The following PHLPP1 variants were observed in gnomAD, a reference collection of about 807,000 sequenced individuals.
PHLPP1 encodes PH domain leucine-rich repeat-containing protein phosphatase 1.
PHLPP1 carries 42 observed loss-of-function variants against 117.2 expected under a neutral mutation model. That is an observed-to-expected ratio of 0.36 (90% CI 0.28 to 0.46). The LOEUF (loss-of-function observed/expected upper bound fraction) is 0.46, where lower values mean the gene tolerates loss of function less well. PHLPP1 is among the 20% of genes least tolerant of loss of function. The probability of loss-of-function intolerance (pLI) is 1.00; values close to 1 mark genes in which losing one functional copy is unlikely to be tolerated. For missense variants in PHLPP1, 2,084 were observed against 2,241.9 expected (o/e 0.93, Z 1.42); for synonymous variants, 1,042 against 970.7 (o/e 1.07, Z -1.37).
At chr18:62,957,653 G>C (rs1957156623) in intron 12 of PHLPP1, among the ~76,000 whole-genome samples, 1 of 150,748 alleles carries the variant, frequency 6.6e-6, no homozygotes, top group South Asian at 2.1e-4. Flanking sequence ...ACAGGGTCTT[G>C]CTCTGTCGCC....
At chr18:62,801,095 C>G (rs1442155197) in intron 1 of PHLPP1, among the ~76,000 whole-genome samples, 2 of 135,354 alleles carry the variant, frequency 1.5e-5, no homozygotes, top group Non-Finnish European at 3.1e-5. Flanking sequence ...ATCTCCCAGG[C>G]TGGAGTGCAG....
At position 62,715,908 on chromosome 18, in the gene PHLPP1, A is replaced by G; in HGVS notation, c.225A>G (p.Pro75=). 1.1e-6 allele frequency: 1 copy of G among 930,920 alleles called. No homozygotes were observed. Among genetic ancestry groups the G allele is most frequent in the African/African-American group, 1.8e-5 (1 of 55,670 alleles). 57.7% of individuals were successfully genotyped at this position (930,920 alleles called of 1,614,324 possible). Residue 75 remains proline, a synonymous_variant, in exon 1 of 17, where the codon CCA becomes CCG. Transcript: ENST00000262719. The part of the protein sequence containing the change: ...GSGSGAREEA[P]GEAPPGPLPG... ...GCAGCGGGGCGCGGGAAGAGGCCCC[A>G]GGCGAGGCGCCGCCGGGGCCGCTGC...
chr18:62,830,845 A>G (rs1053046726), intron 2 of PHLPP1, among the ~76,000 whole-genome samples: 3 of 152,216 alleles, frequency 2.0e-5, no homozygotes, highest in Admixed American at 2.0e-4. Context: ...TATCTTAAGC[A>G]TACATTTTCT....
At chr18:62,761,782 T>A (rs902553215) in intron 1 of PHLPP1, among the ~76,000 whole-genome samples, 11 of 152,232 alleles carry the variant, frequency 7.2e-5, no homozygotes, top group South Asian at 2.1e-4. Flanking sequence ...TTTCTTTTTT[T>A]AAAAAAATAA....
At chr18:62,966,399 T>G (rs1910905389) in intron 14 of PHLPP1, among the ~76,000 whole-genome samples, 1 of 151,764 alleles carries the variant, frequency 6.6e-6, no homozygotes, top group African/African-American at 2.4e-5. Flanking sequence ...TTTTATTAAT[T>G]TATATATGTA....
At chr18:62,772,830 C>CAAA (rs59776161) in intron 1 of PHLPP1, among the ~76,000 whole-genome samples, 6 of 61,058 alleles carry the variant, frequency 9.8e-5, no homozygotes, top group Non-Finnish European at 1.9e-4. Flanking sequence ...GACTCTTTCT[C>CAAA]AAAAAAAAAA....
At chr18:62,930,784 C>G (rs1006644667) in intron 10 of PHLPP1, among the ~76,000 whole-genome samples, 1 of 152,174 alleles carries the variant, frequency 6.6e-6, no homozygotes, top group Non-Finnish European at 1.5e-5. Context: ...TGACTACCTG[C>G]TCAGTCATAA....
chr18:62,885,166 G>C (rs747490947), intron 4 of PHLPP1, among the ~76,000 whole-genome samples: 12 of 152,208 alleles, frequency 7.9e-5, no homozygotes, highest in Non-Finnish European at 1.6e-4. Flanking sequence ...GAAGGAGGAA[G>C]TATGTGAGGA....
At chr18:62,819,845 C>T (rs1444175198) in intron 1 of PHLPP1, among the ~76,000 whole-genome samples, 1 of 152,144 alleles carries the variant, frequency 6.6e-6, no homozygotes, top group African/African-American at 2.4e-5. Context: ...GGGGTTTCAC[C>T]ATGTTGGCCG....
At chr18:62,811,827 C>T (rs1914131703) in intron 1 of PHLPP1, among the ~76,000 whole-genome samples, 1 of 152,090 alleles carries the variant, frequency 6.6e-6, no homozygotes, top group African/African-American at 2.4e-5. Flanking sequence ...AAGATAGCTT[C>T]TTAAGGTCAG....
At chr18:62,893,714 G>A (rs1599106877) in intron 4 of PHLPP1, among the ~76,000 whole-genome samples, 1 of 152,288 alleles carries the variant, frequency 6.6e-6, no homozygotes, top group East Asian at 1.9e-4. Context: ...TTAGCATAAC[G>A]CAGTCACTAA....
chr18:62,878,924 C>T (rs1054938639), intron 4 of PHLPP1, among the ~76,000 whole-genome samples: 1 of 152,188 alleles, frequency 6.6e-6, no homozygotes, highest in African/African-American at 2.4e-5. Context: ...TTGACATGCT[C>T]TGTGATTAGA....
At chr18:62,933,905 A>C (rs766827448) in intron 10 of PHLPP1, among the ~76,000 whole-genome samples, 1 of 152,188 alleles carries the variant, frequency 6.6e-6, no homozygotes, top group Non-Finnish European at 1.5e-5. Flanking sequence ...AACCCCATTA[A>C]AAAGTGAGCA....
intron 3 of PHLPP1, among the ~76,000 whole-genome samples, chr18:62,843,286 C>G (rs1221341710): frequency 1.3e-5 from 2 of 152,110 alleles, no homozygotes; most frequent in African/African-American, 4.8e-5. Flanking sequence ...ACTGTCCCCA[C>G]TCCAGAGTAG....
At chr18:62,774,612 G>A (rs1912893942) in intron 1 of PHLPP1, among the ~76,000 whole-genome samples, 1 of 152,102 alleles carries the variant, frequency 6.6e-6, no homozygotes. Flanking sequence ...CAGTAAATTT[G>A]AAAGCTGTCT....
At chr18:62,955,545 A>T (rs1910586478) in intron 12 of PHLPP1, among the ~76,000 whole-genome samples, 1 of 151,980 alleles carries the variant, frequency 6.6e-6, no homozygotes, top group Non-Finnish European at 1.5e-5. Context: ...TGAATCAGAG[A>T]CTCTGTCACA....
chr18:62,741,771 C>A (rs1422864777), intron 1 of PHLPP1, among the ~76,000 whole-genome samples: 1 of 150,824 alleles, frequency 6.6e-6, no homozygotes, highest in Non-Finnish European at 1.5e-5. Flanking sequence ...GCTTGGGTTA[C>A]AGGGTACGTG....
rs562564069 is a variant in PHLPP1 at position 62,730,444 on chromosome 18, T to C, written c.1576+13185T>C. Among the ~76,000 whole-genome samples, 4 of 152,272 alleles carry C rather than the reference T, an allele frequency of 2.6e-5. No individual in the cohort carries two copies. In the East Asian group the frequency reaches 7.7e-4, roughly 29 times the overall value. Reference sequence around the variant, plus strand: ...TCTCTGGTCTTTGTGCTTCTTTACATGATGTGAGACCTATAGTAAACCCCT... The same window carrying C: ...TCTCTGGTCTTTGTGCTTCTTTACACGATGTGAGACCTATAGTAAACCCCT... On this transcript the variant is annotated intron_variant, in intron 1 of 16. Coordinates refer to ENST00000262719, the MANE Select transcript of PHLPP1 (RefSeq NM_194449.4).
At chr18:62,947,823 C>T (rs928513894) in intron 12 of PHLPP1, among the ~76,000 whole-genome samples, 1 of 151,140 alleles carries the variant, frequency 6.6e-6, no homozygotes, top group Non-Finnish European at 1.5e-5. Context: ...GTCAGGAGTT[C>T]GAGACCAGCC....
Sources: gnomAD v4.1 joint callset for allele counts (sites outside exome capture counted in the v4.1 genomes callset) on GRCh38, gnomAD v4.1.1 for gene constraint, MANE v1.5 for transcripts, NCBI Gene and HGNC (gene_info 2026-07-23, HGNC 2026-07-21) for gene names.